The following SLC27A2 variants were observed in gnomAD, a reference collection of about 807,000 sequenced individuals.
The protein encoded by SLC27A2 is solute carrier family 27 member 2, also known as long-chain fatty acid transport protein 2.
In SLC27A2, 54 loss-of-function variants were observed where a neutral mutation model predicts 60.0. The ratio of observed to expected loss-of-function variants is 0.90; its 90% CI spans 0.72 to 1.13. SLC27A2 has a LOEUF of 1.13. Ranked by LOEUF, SLC27A2 falls within the 50% of genes most tolerant of loss-of-function variation. SLC27A2 has a pLI of 0.00. For synonymous variants in SLC27A2, 297 were observed against 297.6 expected, an observed-to-expected ratio of 1.00 and a Z score of 0.02; for missense variants, 739 against 777.6, an observed-to-expected ratio of 0.95 and a Z score of 0.59.
chr15:50,210,721 G>A (rs1033365466), intron 4 of SLC27A2, among the ~76,000 whole-genome samples: 2 of 152,214 alleles, frequency 1.3e-5, no homozygotes, highest in Non-Finnish European at 2.9e-5. Flanking sequence ...TAACAGCTGG[G>A]AGGCAGAAAG....
At position 50,222,984 on chromosome 15, in the gene SLC27A2, A is replaced by G; in HGVS notation, c.992A>G (p.His331Arg). 1 of 1,611,934 alleles carries G rather than the reference A, an allele frequency of 6.2e-7. No homozygotes were observed. Among genetic ancestry groups the G allele is most frequent in the South Asian group, 1.1e-5 (1 of 90,504 alleles). The change falls in exon 5 of 10, where the codon CAT (histidine) becomes CGT (arginine). Residue 331 changes from histidine to arginine, a missense_variant. By Grantham distance (29) the His-to-Arg change is conservative. Coordinates refer to ENST00000267842, the MANE Select transcript of SLC27A2 (RefSeq NM_003645.4). Reference protein sequence around the residue: ...NSPQKPNDRDHKVRLALGNGL... With the variant: ...NSPQKPNDRDRKVRLALGNGL... Reference sequence around the variant, plus strand: ...CCACAGAAACCAAATGACCGTGATCATAAAGTGAGACTGGCACTGGGAAAT... The same window carrying G: ...CCACAGAAACCAAATGACCGTGATCGTAAAGTGAGACTGGCACTGGGAAAT...
intron 1 of SLC27A2, among the ~76,000 whole-genome samples, chr15:50,192,801 A>AAAG (rs760458373): frequency 6.7e-6 from 1 of 149,256 alleles, no homozygotes; most frequent in Non-Finnish European, 1.5e-5. Context: ...AAAAAAAAAA[A>AAAG]GAAGAAGAAG....
In SLC27A2 at chr15:50,236,071, T is replaced by TAA. The variant is rs1429323500; in HGVS notation, c.1839_1840dup (p.Ser614LysfsTer6). The TAA allele has an allele frequency of 8.7e-6, 14 of 1,610,286 alleles. No individual in the cohort carries two copies. Among genetic ancestry groups the TAA allele is most frequent in the Non-Finnish European group, 1.2e-5 (14 of 1,177,852 alleles). Reference sequence around the variant, plus strand: ...ATGACTGAGGACATCTATAATGCCATAAGTGCTAAAACCCTGAAACTCTGA... The same window carrying TAA: ...ATGACTGAGGACATCTATAATGCCATAAAAGTGCTAAAACCCTGAAACTCTGA... On this transcript the variant is annotated frameshift_variant, in exon 10 of 10. Transcript: ENST00000267842. LOFTEE classifies it high-confidence loss of function.
At chr15:50,229,446 G>A (rs78080107) in intron 8 of SLC27A2, among the ~76,000 whole-genome samples, 1,786 of 152,280 alleles carry the variant, frequency 0.012, 34 homozygotes, top group East Asian at 0.05. Flanking sequence ...ATTTTGTACA[G>A]CCTCTTCTTT....
At chr15:50,199,849 G>A (rs971931647) in intron 2 of SLC27A2, among the ~76,000 whole-genome samples, 3 of 152,112 alleles carry the variant, frequency 2.0e-5, no homozygotes, top group Non-Finnish European at 4.4e-5. Flanking sequence ...GATCACTTGA[G>A]CCCAGGAGTC....
rs753943953 is a variant in SLC27A2, at chr15:50,182,872, T to A, written c.445T>A (p.Cys149Ser). ...GAAGTCCCTGCTGCACTGCTTCCAG[T>A]GCTGCGGGGCGAAGGTGCTGCTGGT... ...RAKSLLHCFQ[C>S]CGAKVLLVSP... The change falls in exon 1 of 10, where the codon TGC becomes AGC. Residue 149 changes from cysteine to serine, a missense_variant. By Grantham distance (112) the Cys-to-Ser change is moderately radical (BLOSUM62 -1). Coordinates refer to ENST00000267842, the MANE Select transcript of SLC27A2 (RefSeq NM_003645.4). 3 of 1,611,806 alleles carry A rather than the reference T, an allele frequency of 1.9e-6. No individual in the cohort carries two copies. The highest frequency in any genetic ancestry group is 2.5e-6 in the Non-Finnish European group (3 of 1,179,406).
intron 1 of SLC27A2, among the ~76,000 whole-genome samples, chr15:50,195,716 C>T (rs998543092): frequency 6.6e-6 from 1 of 151,740 alleles, no homozygotes; most frequent in Non-Finnish European, 1.5e-5. Flanking sequence ...AGATATCATA[C>T]ACAAACATCT....
intron 2 of SLC27A2, among the ~76,000 whole-genome samples, chr15:50,200,418 AAATAATAAT>A (rs35855605): frequency 9.3e-5 from 14 of 150,058 alleles, no homozygotes; most frequent in East Asian, 1.9e-4. Flanking sequence ...CCTATCTCAA[AAATAATAAT>A]AATAATAATA....
intron 1 of SLC27A2, among the ~76,000 whole-genome samples, chr15:50,193,508 C>T (rs577278889): frequency 6.6e-6 from 1 of 152,308 alleles, no homozygotes; most frequent in East Asian, 1.9e-4. Flanking sequence ...ACTATGGACC[C>T]TGAGTCTCAT....
intron 1 of SLC27A2, among the ~76,000 whole-genome samples, chr15:50,186,074 C>CAA (rs113680166): frequency 3.7e-5 from 5 of 135,738 alleles, no homozygotes; most frequent in African/African-American, 1.3e-4. Context: ...CCCATCTCTA[C>CAA]AAAAAAAAAA....
chr15:50,228,454 G>A (rs1246875070), intron 7 of SLC27A2, among the ~76,000 whole-genome samples: 1 of 150,542 alleles, frequency 6.6e-6, no homozygotes. Context: ...ATAGCACCTG[G>A]TTGGGCCTTA....
At chr15:50,233,351 C>T (rs941656835) in intron 8 of SLC27A2, among the ~76,000 whole-genome samples, 21 of 152,178 alleles carry the variant, frequency 1.4e-4, no homozygotes, top group Non-Finnish European at 7.4e-5. Context: ...GGAGGTGGAG[C>T]AAGGACTTTC....
chr15:50,227,672 C>T (rs1212084182), intron 7 of SLC27A2, among the ~76,000 whole-genome samples: 1 of 152,210 alleles, frequency 6.6e-6, no homozygotes, highest in Non-Finnish European at 1.5e-5. Flanking sequence ...GGAAGTCCTT[C>T]TAACAGACCA....
intron 4 of SLC27A2, among the ~76,000 whole-genome samples, chr15:50,218,235 T>C (rs747621735): frequency 1.1e-4 from 16 of 151,976 alleles, no homozygotes; most frequent in Non-Finnish European, 1.9e-4. Flanking sequence ...CTTTAATTCA[T>C]AGAAAAGTTG....
chr15:50,182,594 T>C lies in SLC27A2; in HGVS notation c.167T>C (p.Leu56Pro). The C allele has an allele frequency of 2.5e-6, 4 of 1,613,348 alleles. No homozygotes were observed. Among genetic ancestry groups the C allele is most frequent in the Non-Finnish European group, 3.4e-6 (4 of 1,179,630 alleles). ...AAGCGGCGGCCGGCGCGCACCATCCTGCGGGCGTTCCTGGAGAAAGCGCGC... is the reference window on the plus strand; with the variant it reads ...AAGCGGCGGCCGGCGCGCACCATCCCGCGGGCGTTCCTGGAGAAAGCGCGC... ...YGKRRPARTILRAFLEKARQT... is the reference protein window; with the variant it reads ...YGKRRPARTIPRAFLEKARQT... The change falls in exon 1 of 10, where the codon CTG becomes CCG. Residue 56 changes from leucine to proline, a missense_variant. Coordinates refer to ENST00000267842, the MANE Select transcript of SLC27A2 (RefSeq NM_003645.4).
At chr15:50,222,191 A>G (rs1394542037) in intron 4 of SLC27A2, among the ~76,000 whole-genome samples, 1 of 152,090 alleles carries the variant, frequency 6.6e-6, no homozygotes, top group African/African-American at 2.4e-5. Context: ...TACTTACAGC[A>G]AATCATATTC....
intron 1 of SLC27A2, among the ~76,000 whole-genome samples, chr15:50,191,965 C>T (rs1053415380): frequency 2.0e-5 from 3 of 151,136 alleles, no homozygotes; most frequent in Non-Finnish European, 4.4e-5. Context: ...GAGGCTGAGG[C>T]AGGAGAGCCG....
chr15:50,202,511 C>G lies in SLC27A2; in HGVS notation c.713C>G (p.Thr238Ser), dbSNP rs201648653. Residue 238 changes from threonine (T) to serine (S), a missense_variant, in exon 3 of 10, where the codon ACT becomes AGT. By Grantham distance (58) the Thr-to-Ser change is moderately conservative. Coordinates refer to ENST00000267842, the MANE Select transcript of SLC27A2 (RefSeq NM_003645.4). ...GGTCTTCCAAAAGCAGCCATGATCA[C>G]TCATCAGCGCATATGGTATGGAACT... ...TTGLPKAAMI[T>S]HQRIWYGTGL... 1 of 1,614,198 alleles carries G rather than the reference C, an allele frequency of 6.2e-7. No individual in the cohort carries two copies.
At chr15:50,196,075 AAAATATATATATATATATAT>A (rs2045017761) in intron 1 of SLC27A2, among the ~76,000 whole-genome samples, 3 of 18,132 alleles carry the variant, frequency 1.7e-4, no homozygotes, top group South Asian at 3.3e-3. Flanking sequence ...AAAAAAAAAA[AAAATATATATATATATATAT>A]ATATATATAT....
Sources: allele counts gnomAD v4.1 joint callset (sites outside exome capture counted in the v4.1 genomes callset), GRCh38; gene constraint gnomAD v4.1.1; transcripts MANE v1.5; gene names NCBI Gene and HGNC (gene_info 2026-07-23, HGNC 2026-07-21).